ZNF717: variants seen among roughly 807,000 people sequenced by gnomAD.
The protein encoded by ZNF717 is zinc finger protein 717.
In ZNF717, 9 loss-of-function variants were observed where a neutral mutation model predicts 13.8. That is an observed-to-expected ratio of 0.65 (90% CI 0.39 to 1.14). The LOEUF (loss-of-function observed/expected upper bound fraction) is 1.14. Among genes scored for constraint, ZNF717 ranks in the 50% most tolerant of loss-of-function variants. The probability of loss-of-function intolerance (pLI) is 0.01; values close to 1 mark genes in which losing one functional copy is unlikely to be tolerated. For missense variants in ZNF717, 1,040 were observed against 1,080.7 expected (o/e 0.96, Z 0.53); for synonymous variants, 327 against 364.1 (o/e 0.90, Z 1.16).
In ZNF717 at chr3:75,741,307, T is replaced by C. The variant is rs765817127; in HGVS notation, c.246A>G (p.Ile82Met). Residue 82 changes from isoleucine (I) to methionine (M), a missense_variant, in exon 4 of 5, where the codon ATA becomes ATG. Around this residue, in one of 3 missense-constraint regions of ZNF717, gnomAD observed 123 missense variants for 177.8 expected, o/e 0.69. Transcript: ENST00000652011. ...GTCTCAGGTTTGGGGTTTCTTCTAC[T>C]ATCCATGGCTCTGCTCCTTGCTCTA... ...FKLEQGAEPWIVEETPNLRLS... is the reference protein window; with the variant it reads ...FKLEQGAEPWMVEETPNLRLS... 404 of 1,548,992 alleles carry C rather than the reference T, an allele frequency of 2.6e-4. No individual in the cohort carries two copies. Among genetic ancestry groups the C allele is most frequent in the Non-Finnish European group, 3.5e-4 (396 of 1,144,684 alleles).
downstream of ZNF717, among the ~76,000 whole-genome samples, chr3:75,706,190 A>G (rs1417898752): frequency 2.6e-4 from 40 of 151,750 alleles, no homozygotes; most frequent in African/African-American, 9.3e-4. Context: ...AAAATTACTC[A>G]GGGAAAAGAT....
intron 2 of ZNF717, among the ~76,000 whole-genome samples, chr3:75,779,599 C>G (rs1267696886): frequency 8.0e-6 from 1 of 125,430 alleles, no homozygotes; most frequent in Admixed American, 8.2e-5. Flanking sequence ...ACCCAAAACA[C>G]TGGGAGAGAT....
intron 6 of ZNF717, among the ~76,000 whole-genome samples, chr3:75,702,598 T>TG (rs372124609): frequency 0.029 from 1 of 34 alleles, no homozygotes; most frequent in Non-Finnish European, 0.083. Context: ...AATTTATACA[T>TG]TAAAAAAACT....
intron 2 of ZNF717, among the ~76,000 whole-genome samples, chr3:75,772,756 A>C (rs1944000185): frequency 6.6e-6 from 1 of 152,252 alleles, no homozygotes; most frequent in African/African-American, 2.4e-5. Context: ...CCGAGTGGAC[A>C]GAACGAACCC....
chr3:75,764,959 G>A (rs796587440), intron 2 of ZNF717, among the ~76,000 whole-genome samples: 2 of 138,668 alleles, frequency 1.4e-5, no homozygotes, highest in Non-Finnish European at 3.1e-5. Context: ...AAACCAAAAC[G>A]TCCATCCAGG....
chr3:75,704,543 G>A (rs1937762057), intron 6 of ZNF717, among the ~76,000 whole-genome samples: 1 of 152,302 alleles, frequency 6.6e-6, no homozygotes, highest in African/African-American at 2.4e-5. Flanking sequence ...CCAAAAGTTA[G>A]AGGCCCAGGG....
downstream of ZNF717, among the ~76,000 whole-genome samples, chr3:75,732,687 T>C (rs1938679110): frequency 6.6e-6 from 1 of 152,226 alleles, no homozygotes; most frequent in East Asian, 1.9e-4. Context: ...GAGCAATAAA[T>C]TTCTGTTGTT....
At position 75,738,129 on chromosome 3, in the gene ZNF717, TTGA is replaced by T; in HGVS notation, c.1491_1493del (p.His497del). On this transcript the variant is annotated inframe_deletion, in exon 5 of 5. Coordinates refer to ENST00000652011, the MANE Select transcript of ZNF717 (RefSeq NM_001290208.3). ...AGGGTTTTTCCCCTGTGTGAGTCCA[TTGA>T]TGGATAGTGAGGAATGACTTACGGT... The T allele has an allele frequency of 7.4e-7, 1 of 1,354,296 alleles. No individual in the cohort carries two copies. The highest frequency in any genetic ancestry group is 2.0e-4 in the Middle Eastern group (1 of 5,048). The allele number at this position is 1,354,296 out of a possible 1,614,324, so 83.9% of individuals were successfully genotyped here. A position where few individuals can be genotyped will look rare whatever the true frequency, so the allele number is the denominator to read the frequency against.
chr3:75,730,507 GA>G (rs1202236611), exon 6 of ZNF717: 1 of 618,412 alleles, frequency 1.6e-6, no homozygotes, highest in Non-Finnish European at 2.9e-6. Context: ...ATGATGGCCA[GA>G]AGTGATACAG....
chr3:75,780,194 G>A (rs1449814586), intron 2 of ZNF717, among the ~76,000 whole-genome samples: 2 of 151,900 alleles, frequency 1.3e-5, no homozygotes, highest in African/African-American at 4.8e-5. Context: ...AAAACAATGG[G>A]AGTGACGTGC....
chr3:75,719,020 A>G (rs1575720664), intron 4 of ZNF717, among the ~76,000 whole-genome samples: 1 of 152,354 alleles, frequency 6.6e-6, no homozygotes, highest in Admixed American at 6.5e-5. Flanking sequence ...AAGGCCAGGC[A>G]CGGTGGTTCA....
chr3:75,775,851 CAA>C (rs56879372), intron 2 of ZNF717, among the ~76,000 whole-genome samples: 11,437 of 79,084 alleles, frequency 0.14, 673 homozygotes, highest in African/African-American at 0.24. Flanking sequence ...GACTCTGTCT[CAA>C]AAAAAAAAAA....
Position 75,738,141 on chromosome 3 carries a change from G to A in ZNF717, c.1482C>T (p.Leu494=), listed in dbSNP as rs1420387526. The A allele has an allele frequency of 3.7e-6, 5 of 1,359,860 alleles. No homozygotes were observed. Among genetic ancestry groups the A allele is most frequent in the Non-Finnish European group, 4.9e-6 (5 of 1,016,886 alleles). The allele number at this position is 1,359,860 out of a possible 1,614,324, so 84.2% of individuals were successfully genotyped here. A position where few individuals can be genotyped will look rare whatever the true frequency, so the allele number is the denominator to read the frequency against. ...CGKTFHRKSF[L]TIHQWTHTGE... is the part of the protein sequence containing the mutation. ...CTGTGTGAGTCCATTGATGGATAGT[G>A]AGGAATGACTTACGGTGAAACGTTT... is the stretch of plus-strand genomic sequence containing the variant. Residue 494 remains leucine (L), a synonymous_variant, in exon 5 of 5, where the codon CTC becomes CTT. Transcript: ENST00000652011.
intron 2 of ZNF717, among the ~76,000 whole-genome samples, chr3:75,744,880 G>A (rs1940968641): frequency 1.3e-5 from 2 of 152,278 alleles, no homozygotes; most frequent in South Asian, 4.1e-4. Flanking sequence ...ATAACCTAGG[G>A]GAAGGGAATT....
At position 75,737,376 on chromosome 3, in the gene ZNF717, A is replaced by G. The variant is rs1197865538; in HGVS notation, c.2247T>C (p.His749=). 1.9e-6 allele frequency: 3 copies of G among 1,552,718 alleles called. No homozygotes were observed. In the Admixed American group the frequency reaches 5.9e-5, roughly 30 times the overall value. Residue 749 remains histidine, a synonymous_variant, in exon 5 of 5, where the codon CAT becomes CAC. Coordinates refer to ENST00000652011, the MANE Select transcript of ZNF717 (RefSeq NM_001290208.3). ...PCQKSVLTVH[H]RTHTGEKPYE... ...AAGGTTTTTCTCCGGTATGGGTTCT[A>G]TGATGTACAGTGAGGACTGACTTCT...
rs1258854365 is a variant in ZNF717 at position 75,754,477 on chromosome 3, G to C, written c.58-12741C>G. Among the ~76,000 whole-genome samples, 12 of 151,906 alleles carry C rather than the reference G, an allele frequency of 7.9e-5. No homozygotes were observed. In the East Asian group the frequency reaches 2.1e-3, roughly 27 times the overall value. Reference sequence around the variant, plus strand: ...GCTAAGGGCTCTAATGAATGAACTAGACAGCATTCAACTGTAGATGGGTAA... The same window carrying C: ...GCTAAGGGCTCTAATGAATGAACTACACAGCATTCAACTGTAGATGGGTAA... On this transcript the variant is annotated intron_variant, in intron 2 of 4. Transcript: ENST00000652011.
chr3:75,726,318 C>A (rs1382104677), downstream of ZNF717, among the ~76,000 whole-genome samples: 40 of 152,346 alleles, frequency 2.6e-4, no homozygotes, highest in African/African-American at 8.9e-4. Flanking sequence ...CTTTGCTTCA[C>A]CTGTAGTTCA....
intron 2 of ZNF717, among the ~76,000 whole-genome samples, chr3:75,746,495 C>A (rs1320817485): frequency 2.0e-5 from 3 of 152,176 alleles, no homozygotes; most frequent in African/African-American, 7.2e-5. Flanking sequence ...TACAATCCCA[C>A]TAACAGTGTA....
chr3:75,771,443 C>T (rs535631825), intron 2 of ZNF717, among the ~76,000 whole-genome samples: 1 of 152,320 alleles, frequency 6.6e-6, no homozygotes, highest in Non-Finnish European at 1.5e-5. Flanking sequence ...TTTAATTCAG[C>T]TGAAGATTTT....
Sources: gnomAD v4.1 joint callset for allele counts (sites outside exome capture counted in the v4.1 genomes callset) on GRCh38, gnomAD v4.1.1 for gene constraint, gnomAD v4.1.1 regional missense constraint, MANE v1.5 for transcripts, NCBI Gene and HGNC (gene_info 2026-07-23, HGNC 2026-07-21) for gene names.